SORCS1: variants seen among roughly 807,000 people sequenced by gnomAD.
SORCS1 encodes the protein VPS10 domain-containing receptor SorCS1.
SORCS1 carries 60 observed loss-of-function variants against 146.1 expected under a neutral mutation model. The observed-to-expected ratio is 0.41, with a 90% CI of 0.33 to 0.51. The LOEUF (loss-of-function observed/expected upper bound fraction) is 0.51. Ranked by LOEUF, SORCS1 falls within the 20% of genes least tolerant of loss-of-function variation. The pLI, the probability that SORCS1 is intolerant of heterozygous loss-of-function variation, is 0.21. For missense variants in SORCS1, 1,352 were observed against 1,487.6 expected, an observed-to-expected ratio of 0.91 and a Z score of 1.50; for synonymous variants, 637 against 584.0, an observed-to-expected ratio of 1.09 and a Z score of -1.31.
intron 3 of SORCS1, among the ~76,000 whole-genome samples, chr10:106,779,589 T>A (rs1860738605): frequency 6.6e-6 from 1 of 150,480 alleles, no homozygotes. Context: ...ATCGCTCTGT[T>A]GCCCAGGCTG....
intron 1 of SORCS1, among the ~76,000 whole-genome samples, chr10:107,127,005 C>A (rs184217692): frequency 6.6e-6 from 1 of 152,240 alleles, no homozygotes; most frequent in Non-Finnish European, 1.5e-5. Flanking sequence ...CTCACTTGAG[C>A]CCAGCAGTGG....
At chr10:107,153,403 G>A (rs547461340) in intron 1 of SORCS1, among the ~76,000 whole-genome samples, 2 of 152,290 alleles carry the variant, frequency 1.3e-5, no homozygotes, top group African/African-American at 2.4e-5. Context: ...TGCAGATGGA[G>A]ACCAAAATAA....
At chr10:106,755,345 T>G (rs530395699) in intron 5 of SORCS1, among the ~76,000 whole-genome samples, 1 of 152,326 alleles carries the variant, frequency 6.6e-6, no homozygotes, top group Non-Finnish European at 1.5e-5. Flanking sequence ...ATGTGTTATG[T>G]TGGATAAACA....
chr10:106,868,454 C>T (rs780394124), intron 2 of SORCS1, among the ~76,000 whole-genome samples: 1 of 152,148 alleles, frequency 6.6e-6, no homozygotes, highest in Non-Finnish European at 1.5e-5. Flanking sequence ...GGACATAAAA[C>T]AATCCCTGGC....
At chr10:107,151,920 TG>T (rs939945114) in intron 1 of SORCS1, among the ~76,000 whole-genome samples, 1 of 151,920 alleles carries the variant, frequency 6.6e-6, no homozygotes, top group African/African-American at 2.4e-5. Flanking sequence ...ACAAAGACAA[TG>T]GGAAAAATGT....
intron 2 of SORCS1, among the ~76,000 whole-genome samples, chr10:106,836,747 A>G (rs2137084299): frequency 6.6e-6 from 1 of 152,282 alleles, no homozygotes; most frequent in African/African-American, 2.4e-5. Context: ...AAAAAAAAAA[A>G]AAGTATAAGC....
chr10:106,798,037 T>G (rs821996), intron 3 of SORCS1, among the ~76,000 whole-genome samples: 1 of 151,938 alleles, frequency 6.6e-6, no homozygotes, highest in African/African-American at 2.4e-5. Context: ...TGAATTCCCA[T>G]GTACTGTGGG....
rs529270478 is a variant in SORCS1, at chr10:106,576,640, G to C, written c.*780C>G. 2 of 152,264 alleles carry C rather than the reference G, an allele frequency of 1.3e-5. No individual in the cohort carries two copies. Among genetic ancestry groups the C allele is most frequent in the African/African-American group, 4.8e-5 (2 of 41,442 alleles). The allele number at this position is 152,264 out of a possible 1,614,324, so 9.4% of individuals were successfully genotyped here. ...TCCTTCCTTATTCTACCGGCACAAA[G>C]GGATCTTCAACTCGCATCTTTGTTC... On this transcript the variant is annotated 3_prime_UTR_variant, in exon 26 of 26. Transcript: ENST00000263054.
intron 2 of SORCS1, among the ~76,000 whole-genome samples, chr10:106,886,344 G>C (rs572518004): frequency 6.6e-6 from 1 of 152,206 alleles, no homozygotes; most frequent in South Asian, 2.1e-4. Context: ...GTGTTTATCA[G>C]CAACATAAAA....
In SORCS1 at chr10:106,942,506, G is replaced by A. The variant is rs11193124; in HGVS notation, c.626+14007C>T. Among the ~76,000 whole-genome samples the A allele has an allele frequency of 3.3e-5, 5 of 152,294 alleles. No homozygotes were observed. The East Asian group carries it at 9.7e-4, about 29-fold the overall frequency. ...GGATCTCAGCATTATTCAGCACAGTGCATGCCAGCTCCTGAGCTGTCCCTC... is the reference window on the plus strand; with the variant it reads ...GGATCTCAGCATTATTCAGCACAGTACATGCCAGCTCCTGAGCTGTCCCTC... On this transcript the variant is annotated intron_variant, in intron 2 of 25. Transcript: ENST00000263054.
At chr10:107,010,627 A>G (rs1317984728) in intron 1 of SORCS1, among the ~76,000 whole-genome samples, 1 of 152,222 alleles carries the variant, frequency 6.6e-6, no homozygotes, top group African/African-American at 2.4e-5. Context: ...AACTTGGACC[A>G]TCAGCCCAAC....
rs1364102778 is a variant in SORCS1 at position 107,060,396 on chromosome 10, G to A, written c.558+103573C>T. On this transcript the variant is annotated intron_variant, in intron 1 of 25. Transcript: ENST00000263054. The surrounding 1 kb of genome is among the most constrained non-coding windows in gnomAD (Gnocchi z 4.1). Reference sequence around the variant, plus strand: ...AGCCATTTGAGGATAGCAAAATGTAGAGTGAGGCAAATTTCTTTGCTGTAA... The same window carrying A: ...AGCCATTTGAGGATAGCAAAATGTAAAGTGAGGCAAATTTCTTTGCTGTAA... Among the ~76,000 whole-genome samples, 1 of 152,148 alleles carries A rather than the reference G, an allele frequency of 6.6e-6. No homozygotes were observed. Among genetic ancestry groups the A allele is most frequent in the Non-Finnish European group, 1.5e-5 (1 of 68,026 alleles).
intron 2 of SORCS1, among the ~76,000 whole-genome samples, chr10:106,894,717 C>G (rs1951397178): frequency 6.6e-6 from 1 of 152,078 alleles, no homozygotes; most frequent in Non-Finnish European, 1.5e-5. Context: ...ACATGTAGTA[C>G]CAGAAAAACA....
At chr10:106,597,076 AC>A (rs771176470) in intron 24 of SORCS1, among the ~76,000 whole-genome samples, 3 of 152,052 alleles carry the variant, frequency 2.0e-5, no homozygotes, top group Non-Finnish European at 4.4e-5. Flanking sequence ...GATCTCAAAC[AC>A]CTGACCTCAA....
chr10:106,724,428 A>T (rs1245002721), intron 6 of SORCS1, among the ~76,000 whole-genome samples: 1 of 152,014 alleles, frequency 6.6e-6, no homozygotes, highest in Non-Finnish European at 1.5e-5. Flanking sequence ...ACTTGAACCC[A>T]GGAGGTGGAG....
chr10:106,727,842 C>T (rs190187910), intron 6 of SORCS1, among the ~76,000 whole-genome samples: 77 of 152,182 alleles, frequency 5.1e-4, no homozygotes, highest in Non-Finnish European at 8.5e-4. Context: ...ACAGCATGTA[C>T]CAAGGCTTTA....
chr10:106,965,889 A>C lies in SORCS1; in HGVS notation c.559-9309T>G, dbSNP rs139944805. Reference sequence around the variant, plus strand: ...GCCTTCTTCTAGACATTGCTGGAATATATTTTCCTGATCATAGACATGCTT... The same window carrying C: ...GCCTTCTTCTAGACATTGCTGGAATCTATTTTCCTGATCATAGACATGCTT... On this transcript the variant is annotated intron_variant, in intron 1 of 25. Coordinates refer to ENST00000263054, the MANE Select transcript of SORCS1 (RefSeq NM_052918.5). 1.9e-3 allele frequency among the ~76,000 whole-genome samples: 289 copies of C among 152,340 alleles called. 2 individuals carry two copies. The highest frequency in any genetic ancestry group is 6.2e-3 in the African/African-American group (256 of 41,570).
chr10:107,035,562 C>T (rs1958871848), intron 1 of SORCS1, among the ~76,000 whole-genome samples: 2 of 152,130 alleles, frequency 1.3e-5, no homozygotes, highest in Non-Finnish European at 2.9e-5. Flanking sequence ...AGTGTTAAAT[C>T]ATCTGGAGCT....
intron 2 of SORCS1, among the ~76,000 whole-genome samples, chr10:106,897,143 AG>A (rs944648276): frequency 6.6e-6 from 1 of 151,502 alleles, no homozygotes; most frequent in Non-Finnish European, 1.5e-5. Flanking sequence ...GGCCTCCCAA[AG>A]TGCTGGGATT....
Sources: gnomAD v4.1 joint callset for allele counts (sites outside exome capture counted in the v4.1 genomes callset) on GRCh38, gnomAD v4.1.1 for gene constraint, Gnocchi (gnomAD v3.1) non-coding constraint, MANE v1.5 for transcripts, NCBI Gene and HGNC (gene_info 2026-07-23, HGNC 2026-07-21) for gene names.